The following TRPM3 variants were observed in gnomAD, a reference collection of about 807,000 sequenced individuals.
The protein encoded by TRPM3 is long transient receptor potential channel 3.
Under a neutral mutation model 181.2 loss-of-function variants are expected in TRPM3, and 77 were observed. That is an observed-to-expected ratio of 0.42 (90% CI 0.35 to 0.51). The LOEUF (loss-of-function observed/expected upper bound fraction) is 0.51. Ranked by LOEUF, TRPM3 falls within the 20% of genes least tolerant of loss-of-function variation. The pLI is 0.01. For synonymous variants in TRPM3, 745 were observed against 796.4 expected, an observed-to-expected ratio of 0.94 and a Z score of 1.09; for missense variants, 1,759 against 2,196.7, an observed-to-expected ratio of 0.80 and a Z score of 3.98.
Position 70,923,811 on chromosome 9 carries a change from T to A in TRPM3, c.178-59300A>T, listed in dbSNP as rs1459383863. Among the ~76,000 whole-genome samples, 452 of 137,608 alleles carry A rather than the reference T, an allele frequency of 3.3e-3. 1 individual carries two copies. The highest frequency in any genetic ancestry group is 0.011 in the African/African-American group (404 of 36,012). The allele number at this position is 137,608 out of a possible 152,430, so 90.3% of individuals were successfully genotyped here. A position where few individuals can be genotyped will look rare whatever the true frequency, so the allele number is the denominator to read the frequency against. ...CACACACACACACACACACTCTCTC[T>A]CTCTCTCTCTCTCTCTCTATATATA... is the stretch of plus-strand genomic sequence containing the variant. On this transcript the variant is annotated intron_variant, in intron 1 of 25. Transcript: ENST00000677713.
intron 1 of TRPM3, among the ~76,000 whole-genome samples, chr9:71,349,977 ATATATATATATATATATATATATATG>A (rs1275116316): frequency 3.2e-5 from 1 of 31,466 alleles, no homozygotes; most frequent in African/African-American, 7.6e-5. Flanking sequence ...GCATATATAT[ATATATATATATATATATATATATATG>A]GGCCTAAAAA....
chr9:70,603,334 G>A lies in TRPM3; in HGVS notation c.2796+8C>T. The A allele has an allele frequency of 2.5e-6, 4 of 1,610,070 alleles. No homozygotes were observed. The highest frequency in any genetic ancestry group is 2.5e-6 in the Non-Finnish European group (3 of 1,178,260). On this transcript the variant is annotated splice_region_variant and intron_variant, in intron 20 of 25. Transcript: ENST00000677713. ...TTCTCTTACGTTTTCTTTTATAAAA[G>A]CCGTTACCTCTCTCATCTTTTCTAT...
At chr9:70,581,247 C>G (rs1239939959) in intron 22 of TRPM3, among the ~76,000 whole-genome samples, 1 of 152,260 alleles carries the variant, frequency 6.6e-6, no homozygotes, top group Non-Finnish European at 1.5e-5. Flanking sequence ...AAGTTGAAGA[C>G]TCAACATCCT....
rs2042020209 is a variant in TRPM3, at chr9:70,537,252, CCGCTCCAGACCTGTCAGG to C, written c.3843_3860del (p.Leu1282_Arg1287del). On this transcript the variant is annotated inframe_deletion, in exon 26 of 26. Transcript: ENST00000677713. Reference sequence around the variant, plus strand: ...TCGAGCGGATTTTGTTGGACTCGGCCCGCTCCAGACCTGTCAGGCGCTCCAGGGCCGTGGCCATGCGCC... The same window carrying C: ...TCGAGCGGATTTTGTTGGACTCGGCCCGCTCCAGGGCCGTGGCCATGCGCC... 2.5e-6 allele frequency: 4 copies of C among 1,591,066 alleles called. No homozygotes were observed. The highest frequency in any genetic ancestry group is 3.4e-6 in the Non-Finnish European group (4 of 1,163,708).
intron 1 of TRPM3, among the ~76,000 whole-genome samples, chr9:71,299,573 G>A (rs2086595145): frequency 6.6e-6 from 1 of 151,724 alleles, no homozygotes; most frequent in Admixed American, 6.6e-5. Context: ...GAAGGAAGGA[G>A]GGAAGAGAAA....
intron 1 of TRPM3, among the ~76,000 whole-genome samples, chr9:70,896,765 TA>T (rs1388620235): frequency 6.6e-6 from 1 of 150,802 alleles, no homozygotes; most frequent in Non-Finnish European, 1.5e-5. Context: ...AGATTTTAAT[TA>T]AAAGATTACT....
In TRPM3 at chr9:70,535,983, A is replaced by T. The variant is rs754322115; in HGVS notation, c.5130T>A (p.Ala1710=). The change falls in exon 26 of 26, where the codon GCT becomes GCA. Residue 1710 remains alanine, a synonymous_variant. Transcript: ENST00000677713. ...TGTGCTTGCTTTCAAAGCTTTGGAA[A>T]GCCGATGTTCTGGACAGTCTCCTCA... ...LSMRRLSRTS[A]FQSFESKHN 17 of 1,605,820 alleles carry T rather than the reference A, an allele frequency of 1.1e-5. No individual in the cohort carries two copies. The highest frequency in any genetic ancestry group is 1.4e-5 in the Non-Finnish European group (16 of 1,176,828).
chr9:70,540,544 G>A (rs1007695372), intron 25 of TRPM3, among the ~76,000 whole-genome samples: 1 of 152,224 alleles, frequency 6.6e-6, no homozygotes, highest in Non-Finnish European at 1.5e-5. Flanking sequence ...ACACGTAACA[G>A]AAGAGTCAGG....
chr9:70,749,888 A>G (rs954346394), intron 8 of TRPM3, among the ~76,000 whole-genome samples: 2 of 152,172 alleles, frequency 1.3e-5, no homozygotes, highest in Admixed American at 6.6e-5. Context: ...AGTCCATTTG[A>G]CCCAGATGTA....
At chr9:70,646,122 G>C (rs1169564876) in intron 9 of TRPM3, among the ~76,000 whole-genome samples, 1 of 152,244 alleles carries the variant, frequency 6.6e-6, no homozygotes, top group Admixed American at 6.5e-5. Context: ...CTTTTTCACT[G>C]TTGGGAGTGT....
intron 1 of TRPM3, among the ~76,000 whole-genome samples, chr9:70,985,690 T>C (rs2097412998): frequency 6.6e-6 from 1 of 152,192 alleles, no homozygotes; most frequent in Non-Finnish European, 1.5e-5. Flanking sequence ...AGCACTGTGC[T>C]GGGCCCTTTT....
At chr9:70,948,189 T>C (rs748188812) in intron 1 of TRPM3, among the ~76,000 whole-genome samples, 6 of 151,930 alleles carry the variant, frequency 3.9e-5, no homozygotes, top group Non-Finnish European at 8.8e-5. Flanking sequence ...ACCAGCTAAA[T>C]AATATATCAT....
intron 1 of TRPM3, among the ~76,000 whole-genome samples, chr9:71,430,384 G>A (rs538678294): frequency 6.6e-6 from 1 of 152,314 alleles, no homozygotes; most frequent in South Asian, 2.1e-4. Context: ...GGAAAGAATG[G>A]ATGGAAATTC....
intron 18 of TRPM3, among the ~76,000 whole-genome samples, chr9:70,611,864 T>C (rs2062044629): frequency 6.6e-6 from 1 of 152,190 alleles, no homozygotes; most frequent in Non-Finnish European, 1.5e-5. Flanking sequence ...TTCCTTTTCA[T>C]TCATGACAAC....
chr9:71,168,665 C>T (rs1194357969), intron 1 of TRPM3, among the ~76,000 whole-genome samples: 1 of 118,144 alleles, frequency 8.5e-6, no homozygotes, highest in African/African-American at 3.2e-5. Flanking sequence ...TATTACTATC[C>T]CTGACATTTT....
chr9:71,324,466 C>T (rs2089497364), intron 1 of TRPM3, among the ~76,000 whole-genome samples: 1 of 151,174 alleles, frequency 6.6e-6, no homozygotes, highest in African/African-American at 2.4e-5. Context: ...CCAAAAATTA[C>T]CAAATTTTGA....
chr9:71,282,128 G>A (rs918390662), intron 1 of TRPM3, among the ~76,000 whole-genome samples: 1 of 77,640 alleles, frequency 1.3e-5, no homozygotes. Context: ...AAGAAAGAAC[G>A]AAAGAAAGAA....
At chr9:70,688,558 T>A (rs918592974) in intron 8 of TRPM3, among the ~76,000 whole-genome samples, 1 of 152,126 alleles carries the variant, frequency 6.6e-6, no homozygotes, top group African/African-American at 2.4e-5. Flanking sequence ...TTTCCATCAA[T>A]CCTTTCTTTG....
chr9:70,803,075 A>G (rs2089659605), intron 6 of TRPM3, among the ~76,000 whole-genome samples: 1 of 142,870 alleles, frequency 7.0e-6, no homozygotes, highest in South Asian at 2.3e-4. Context: ...GCCCAACTCC[A>G]CCAATTTTCT....
Sources: gnomAD v4.1 joint callset for allele counts (sites outside exome capture counted in the v4.1 genomes callset) on GRCh38, gnomAD v4.1.1 for gene constraint, MANE v1.5 for transcripts, NCBI Gene and HGNC (gene_info 2026-07-23, HGNC 2026-07-21) for gene names.